The following TNIP3 variants were observed in gnomAD, a reference collection of about 807,000 sequenced individuals.
The protein encoded by TNIP3 is TNFAIP3 interacting protein 3, also known as TNFAIP3-interacting protein 3.
In TNIP3, 34 loss-of-function variants were observed where a neutral mutation model predicts 54.1. The observed-to-expected ratio is 0.63, with a 90% CI of 0.48 to 0.84. The LOEUF is 0.84. TNIP3 is among the 40% of genes least tolerant of loss of function. The pLI, the probability that TNIP3 is intolerant of heterozygous loss-of-function variation, is 0.00. For missense variants in TNIP3, 366 were observed against 387.6 expected, an observed-to-expected ratio of 0.94 and a Z score of 0.47; for synonymous variants, 134 against 136.8, an observed-to-expected ratio of 0.98 and a Z score of 0.14.
chr4:121,143,490 C>G (rs1399563835), intron 7 of TNIP3, among the ~76,000 whole-genome samples: 3 of 152,200 alleles, frequency 2.0e-5, no homozygotes, highest in Non-Finnish European at 4.4e-5. Flanking sequence ...CCAAGTCCCA[C>G]TTATCAGAAT....
chr4:121,225,237 G>T (rs933516257), intron 1 of TNIP3, among the ~76,000 whole-genome samples: 6 of 152,124 alleles, frequency 3.9e-5, no homozygotes. Flanking sequence ...GTCATCCAAG[G>T]TTTTTTACAT....
At chr4:121,194,363 G>T (rs1227712678) in intron 2 of TNIP3, among the ~76,000 whole-genome samples, 1 of 151,988 alleles carries the variant, frequency 6.6e-6, no homozygotes, top group Non-Finnish European at 1.5e-5. Context: ...AAACCTAAAA[G>T]ATAAGATCTG....
intron 2 of TNIP3, among the ~76,000 whole-genome samples, chr4:121,191,418 A>G (rs1305066794): frequency 1.3e-5 from 2 of 152,194 alleles, no homozygotes; most frequent in Admixed American, 6.5e-5. Context: ...GCACAGAAAA[A>G]TTATGTATTT....
At chr4:121,170,073 T>G (rs917506842) in intron 3 of TNIP3, among the ~76,000 whole-genome samples, 7 of 152,224 alleles carry the variant, frequency 4.6e-5, no homozygotes, top group African/African-American at 1.2e-4. Context: ...AGTTCCTCTG[T>G]GAAGTCTCCC....
chr4:121,187,561 T>C (rs1422654199), intron 2 of TNIP3, among the ~76,000 whole-genome samples: 2 of 152,220 alleles, frequency 1.3e-5, no homozygotes, highest in Non-Finnish European at 2.9e-5. Context: ...CATGGAGGGC[T>C]ATGCTATTTC....
chr4:121,138,522 A>G, intron 10 of TNIP3, 102 bp downstream of exon 10: 2 of 1,119,552 alleles, frequency 1.8e-6, no homozygotes, highest in Non-Finnish European at 2.7e-6. Context: ...CTTTATAGTA[A>G]GTCCTCCCCA....
chr4:121,201,292 G>A (rs907007704), intron 2 of TNIP3, among the ~76,000 whole-genome samples: 3 of 152,156 alleles, frequency 2.0e-5, no homozygotes, highest in Non-Finnish European at 2.9e-5. Context: ...CCACAAGGAC[G>A]TTCTATGCAA....
chr4:121,156,974 A>G, intron 4 of TNIP3, 120 bp downstream of exon 4: 1 of 1,327,212 alleles, frequency 7.5e-7, no homozygotes, highest in Non-Finnish European at 1.0e-6. Flanking sequence ...ACCCTTGCAC[A>G]TCGGTCGTTG....
chr4:121,156,109 T>A (rs1367807598), intron 4 of TNIP3, among the ~76,000 whole-genome samples: 1 of 152,208 alleles, frequency 6.6e-6, no homozygotes, highest in Non-Finnish European at 1.5e-5. Context: ...AAACTCTGTT[T>A]TCCTGACTCA....
At chr4:121,212,582 G>A (rs546075628) in intron 2 of TNIP3, among the ~76,000 whole-genome samples, 12 of 152,268 alleles carry the variant, frequency 7.9e-5, no homozygotes, top group African/African-American at 2.9e-4. Flanking sequence ...TGTTTTGCCT[G>A]TCATTAAAAA....
intron 3 of TNIP3, 93 bp from the exon 4 acceptor site, chr4:121,157,336 G>A: frequency 6.5e-7 from 1 of 1,534,326 alleles, no homozygotes; most frequent in East Asian, 2.3e-5. Context: ...TGGCAGAAAC[G>A]CCCCACCCCA....
At chr4:121,173,338 A>G (rs978522612) in intron 3 of TNIP3, among the ~76,000 whole-genome samples, 4 of 152,168 alleles carry the variant, frequency 2.6e-5, no homozygotes, top group Admixed American at 2.6e-4. Flanking sequence ...AATTCCCACC[A>G]TGGCATGCCT....
At chr4:121,209,854 A>T (rs1726386354) in intron 2 of TNIP3, among the ~76,000 whole-genome samples, 2 of 152,214 alleles carry the variant, frequency 1.3e-5, no homozygotes, top group South Asian at 2.1e-4. Context: ...GAACTATTCT[A>T]CGTACTTCTT....
intron 3 of TNIP3, among the ~76,000 whole-genome samples, chr4:121,157,867 A>G (rs1355019215): frequency 6.6e-6 from 1 of 152,140 alleles, no homozygotes; most frequent in African/African-American, 2.4e-5. Flanking sequence ...TCTCTCTGGG[A>G]TCATCATCTT....
At chr4:121,142,598 TAGTCAGTA>T in intron 8 of TNIP3, 120 bp downstream of exon 8, 1 of 789,804 alleles carries the variant, frequency 1.3e-6, no homozygotes, top group East Asian at 2.5e-5. Flanking sequence ...GTTGATGGTG[TAGTCAGTA>T]ATGAAAAGCA....
At chr4:121,176,014 C>T (rs889899521) in intron 3 of TNIP3, among the ~76,000 whole-genome samples, 11 of 152,078 alleles carry the variant, frequency 7.2e-5, no homozygotes, top group African/African-American at 1.9e-4. Context: ...TAAAAATCCT[C>T]GTAATGAATG....
chr4:121,202,891 G>T (rs998813171), intron 2 of TNIP3, among the ~76,000 whole-genome samples: 2 of 152,054 alleles, frequency 1.3e-5, no homozygotes, highest in Non-Finnish European at 2.9e-5. Flanking sequence ...CCTTACTCCT[G>T]CAAGAATGGC....
intron 2 of TNIP3, among the ~76,000 whole-genome samples, chr4:121,208,483 C>T (rs1167710276): frequency 6.6e-6 from 1 of 152,172 alleles, no homozygotes; most frequent in East Asian, 1.9e-4. Context: ...CCAACCTAAC[C>T]AATCAGCACT....
At chr4:121,135,752 C>A (rs1728744754) in intron 10 of TNIP3, among the ~76,000 whole-genome samples, 1 of 152,126 alleles carries the variant, frequency 6.6e-6, no homozygotes, top group Non-Finnish European at 1.5e-5. Context: ...TATGAGAATT[C>A]TGAGCAATTC....
Sources: gnomAD v4.1 joint callset for allele counts (sites outside exome capture counted in the v4.1 genomes callset) on GRCh38, gnomAD v4.1.1 for gene constraint, MANE v1.5 for transcripts, NCBI Gene and HGNC (gene_info 2026-07-23, HGNC 2026-07-21) for gene names.